Variants in BRCA2 observed in about 807,000 individuals in gnomAD.
BRCA2 encodes the protein BRCA2 DNA repair associated.
Under a neutral mutation model 276.7 loss-of-function variants are expected in BRCA2, and 203 were observed. The ratio of observed to expected loss-of-function variants is 0.73; its 90% CI spans 0.65 to 0.82. The LOEUF (loss-of-function observed/expected upper bound fraction) is 0.82. BRCA2 is among the 40% of genes least tolerant of loss of function. BRCA2 has a pLI of 0.00. For synonymous variants in BRCA2, 1,289 were observed against 1,338.4 expected, an observed-to-expected ratio of 0.96 and a Z score of 0.81; for missense variants, 3,920 against 3,915.0, an observed-to-expected ratio of 1.00 and a Z score of -0.03.
rs1593903587 is a variant in BRCA2 at position 32,339,208 on chromosome 13, A to G, written c.4853A>G (p.Asp1618Gly). ...GTGGTGCCACCTAAGCTCTTAAGTGATAATTTATGTAGACAAACTGAAAAT... is the reference window on the plus strand; with the variant it reads ...GTGGTGCCACCTAAGCTCTTAAGTGGTAATTTATGTAGACAAACTGAAAAT... ...ETVVPPKLLSDNLCRQTENLK... is the reference protein window; with the variant it reads ...ETVVPPKLLSGNLCRQTENLK... The change falls in exon 11 of 27, where the codon GAT becomes GGT. Residue 1618 changes from aspartate (D) to glycine (G), a missense_variant. This residue lies in a region of BRCA2 where 3,263 missense variants were observed against 3,156.9 expected (regional missense o/e 1.03). Transcript: ENST00000380152. 1.9e-6 allele frequency: 3 copies of G among 1,613,464 alleles called. No individual in the cohort carries two copies. In the South Asian group the frequency reaches 3.3e-5, roughly 18 times the overall value.
At chr13:32,392,395 A>G (rs903923417) in intron 24 of BRCA2, among the ~76,000 whole-genome samples, 6 of 152,156 alleles carry the variant, frequency 3.9e-5, no homozygotes, top group African/African-American at 1.4e-4. Flanking sequence ...TTAGAATTTT[A>G]TAACTCTTGG....
intron 24 of BRCA2, chr13:32,385,414 T>G: frequency 4.7e-6 from 1 of 214,498 alleles, no homozygotes; most frequent in Admixed American, 4.3e-5. Flanking sequence ...CATGCAGACC[T>G]TTGTCTTTGG....
chr13:32,364,369 T>G (rs1254438444), intron 18 of BRCA2, among the ~76,000 whole-genome samples: 1 of 152,188 alleles, frequency 6.6e-6, no homozygotes, highest in African/African-American at 2.4e-5. Flanking sequence ...GGCAATCGTT[T>G]CCAGTCTGTT....
At position 32,341,193 on chromosome 13, in the gene BRCA2, G is replaced by T. The variant is rs2137531071; in HGVS notation, c.6838G>T (p.Val2280Leu). ...AAGAAGAGGAGAGCCCCTTATCTTA[G>T]TGGGTAAGTGTTCATTTTTACCTTT... ...GKRRGEPLIL[V>L]GEPSIKRNLL... is the part of the protein sequence containing the mutation. The change falls in exon 11 of 27, where the codon GTG (valine) becomes TTG (leucine). Residue 2280 changes from valine to leucine, a missense_variant. This residue lies in a region of BRCA2 where 3,263 missense variants were observed against 3,156.9 expected (regional missense o/e 1.03). Coordinates refer to ENST00000380152, the MANE Select transcript of BRCA2 (RefSeq NM_000059.4). 6.2e-7 allele frequency: 1 copy of T among 1,613,888 alleles called. No individual in the cohort carries two copies. Among genetic ancestry groups the T allele is most frequent in the Non-Finnish European group, 8.5e-7 (1 of 1,179,920 alleles).
intron 8 of BRCA2, among the ~76,000 whole-genome samples, chr13:32,330,165 C>G (rs1049162389): frequency 1.3e-5 from 2 of 152,180 alleles, no homozygotes; most frequent in African/African-American, 4.8e-5. Context: ...AGGCTCTATG[C>G]TTTCTGGCGT....
intron 20 of BRCA2, among the ~76,000 whole-genome samples, chr13:32,375,862 A>G (rs1167131888): frequency 6.6e-6 from 1 of 152,008 alleles, no homozygotes; most frequent in Non-Finnish European, 1.5e-5. Context: ...ACCCGGCAAG[A>G]CATGTTTCTT....
rs1060502442 is a variant in BRCA2, at chr13:32,357,838, A to G, written c.7714A>G (p.Ser2572Gly). Residue 2572 changes from serine (S) to glycine (G), a missense_variant, in exon 16 of 27, where the codon AGT becomes GGT. By Grantham distance (56) the Ser-to-Gly change is moderately conservative. This residue lies in a region of BRCA2 where 3,263 missense variants were observed against 3,156.9 expected (regional missense o/e 1.03). Coordinates refer to ENST00000380152, the MANE Select transcript of BRCA2 (RefSeq NM_000059.4). ...FHTEDYFGKE[S>G]LWTGKGIQLA... The stretch of plus-strand genomic sequence containing the variant: ...CACTGAAGATTATTTTGGTAAGGAA[A>G]GTTTATGGACTGGAAAAGGAATACA... 1.9e-6 allele frequency: 3 copies of G among 1,614,068 alleles called. No homozygotes were observed. The highest frequency in any genetic ancestry group is 3.3e-5 in the Admixed American group (2 of 60,018).
chr13:32,385,692 G>A, intron 24 of BRCA2: 1 of 211,660 alleles, frequency 4.7e-6, no homozygotes, highest in East Asian at 1.4e-4. Context: ...CCACATTTGA[G>A]GTTGCCTATA....
At chr13:32,366,075 G>A (rs1242030726) in intron 18 of BRCA2, among the ~76,000 whole-genome samples, 3 of 151,096 alleles carry the variant, frequency 2.0e-5, no homozygotes, top group Non-Finnish European at 2.9e-5. Context: ...ACATAATTTT[G>A]TAACAAAATA....
chr13:32,395,709 A>G (rs757055194), intron 25 of BRCA2, among the ~76,000 whole-genome samples: 2 of 152,146 alleles, frequency 1.3e-5, no homozygotes, highest in Non-Finnish European at 2.9e-5. Flanking sequence ...ACAAAAAATA[A>G]GCCTCTTAAT....
At position 32,341,126 on chromosome 13, in the gene BRCA2, C is replaced by G. The variant is rs373696964; in HGVS notation, c.6771C>G (p.Pro2257=). 3 of 1,613,594 alleles carry G rather than the reference C, an allele frequency of 1.9e-6. No individual in the cohort carries two copies. The African/African-American group carries it at 4.0e-5, about 22-fold the overall frequency. The change falls in exon 11 of 27, where the codon CCC becomes CCG. Residue 2257 remains proline (P), a synonymous_variant. Transcript: ENST00000380152. ...CCACACATTCTCTTTTTACATGTCC[C>G]GAAAATGAGGAAATGGTTTTGTCAA... is the stretch of plus-strand genomic sequence containing the variant. The part of the protein sequence containing the change: ...SHATHSLFTC[P]ENEEMVLSNS...
chr13:32,329,793 A>G (rs1593889472), intron 8 of BRCA2, among the ~76,000 whole-genome samples: 1 of 149,206 alleles, frequency 6.7e-6, no homozygotes, highest in Admixed American at 6.7e-5. Context: ...TATATATTAA[A>G]AATGTGTAGT....
At chr13:32,316,057 C>CAAA (rs1387237466) in intron 1 of BRCA2, among the ~76,000 whole-genome samples, 2 of 152,310 alleles carry the variant, frequency 1.3e-5, no homozygotes, top group Admixed American at 1.3e-4. Context: ...CTTACTTAAG[C>CAAA]CCCTGGTAAT....
At position 32,400,231 on chromosome 13, in the gene BRCA2, T is replaced by A. The variant is rs1231935537; in HGVS notation, c.*1461T>A. On this transcript the variant is annotated 3_prime_UTR_variant, in exon 27 of 27. Transcript: ENST00000380152. Reference sequence around the variant, plus strand: ...TCATGTTTTCAAATCTAATTATAAATACGTTTAAAGCCAAGAATAAATCTT... The same window carrying A: ...TCATGTTTTCAAATCTAATTATAAAAACGTTTAAAGCCAAGAATAAATCTT... 6.6e-6 allele frequency: 1 copy of A among 152,234 alleles called. No individual in the cohort carries two copies. Among genetic ancestry groups the A allele is most frequent in the Non-Finnish European group, 1.5e-5 (1 of 68,034 alleles). 9.4% of individuals were successfully genotyped at this position (152,234 alleles called of 1,614,324 possible).
Position 32,340,905 on chromosome 13 carries a change from C to G in BRCA2, c.6550C>G (p.Gln2184Glu), listed in dbSNP as rs80358887. The part of the protein sequence containing the change: ...VENIHVLGKE[Q>E]ASPKNVKMEI... Reference sequence around the variant, plus strand: ...GAACATTCATGTTTTGGGAAAAGAACAGGCTTCACCTAAAAACGTAAAAAT... The same window carrying G: ...GAACATTCATGTTTTGGGAAAAGAAGAGGCTTCACCTAAAAACGTAAAAAT... Residue 2184 changes from glutamine to glutamate, a missense_variant, in exon 11 of 27, where the codon CAG becomes GAG. This residue lies in a region of BRCA2 where 3,263 missense variants were observed against 3,156.9 expected (regional missense o/e 1.03). Transcript: ENST00000380152. The G allele has an allele frequency of 1.2e-5, 20 of 1,608,860 alleles. No homozygotes were observed. The highest frequency in any genetic ancestry group is 1.7e-4 in the Middle Eastern group (1 of 6,058).
chr13:32,361,471 G>A (rs572022999), intron 16 of BRCA2, among the ~76,000 whole-genome samples: 1 of 152,264 alleles, frequency 6.6e-6, no homozygotes, highest in South Asian at 2.1e-4. Flanking sequence ...GCAGAGAGAG[G>A]GACATTGCTT....
intron 3 of BRCA2, 42 bp from the exon 4 acceptor site, chr13:32,325,034 C>T (rs2137445726): frequency 1.5e-6 from 2 of 1,342,066 alleles, no homozygotes; most frequent in Non-Finnish European, 2.1e-6. Context: ...AATTTATAAT[C>T]CAGAGTATAT....
Position 32,379,521 on chromosome 13 carries a change from T to C in BRCA2, c.8953+6T>C. On this transcript the variant is annotated splice_donor_region_variant and intron_variant, in intron 22 of 26. Coordinates refer to ENST00000380152, the MANE Select transcript of BRCA2 (RefSeq NM_000059.4). ...AAAAAAAGAAAAAGATTCAGGTAAG[T>C]ATGTAAATGCTTTGTTTTTATCAGT... The C allele has an allele frequency of 6.2e-7, 1 of 1,611,632 alleles. No individual in the cohort carries two copies. The highest frequency in any genetic ancestry group is 8.5e-7 in the Non-Finnish European group (1 of 1,178,984).
At chr13:32,376,184 T>C (rs1273564876) in intron 20 of BRCA2, among the ~76,000 whole-genome samples, 1 of 151,864 alleles carries the variant, frequency 6.6e-6, no homozygotes, top group Non-Finnish European at 1.5e-5. Flanking sequence ...TGTATGACTT[T>C]TTTTTTTTTT....
Sources: gnomAD v4.1 joint callset for allele counts (sites outside exome capture counted in the v4.1 genomes callset) on GRCh38, gnomAD v4.1.1 for gene constraint, gnomAD v4.1.1 regional missense constraint, MANE v1.5 for transcripts, NCBI Gene and HGNC (gene_info 2026-07-23, HGNC 2026-07-21) for gene names.